Variants in PPM1L observed in about 807,000 individuals in gnomAD.
PPM1L encodes protein phosphatase, Mg2+/Mn2+ dependent 1L.
PPM1L carries 13 observed loss-of-function variants against 31.4 expected under a neutral mutation model. The observed-to-expected ratio is 0.41, with a 90% CI of 0.27 to 0.66. The LOEUF (loss-of-function observed/expected upper bound fraction) is 0.66. Ranked by LOEUF, PPM1L falls within the 30% of genes least tolerant of loss-of-function variation. The probability of loss-of-function intolerance (pLI) is 0.29; values close to 1 mark genes in which losing one functional copy is unlikely to be tolerated. For synonymous variants in PPM1L, 184 were observed against 175.4 expected, an observed-to-expected ratio of 1.05 and a Z score of -0.39; for missense variants, 326 against 453.7, an observed-to-expected ratio of 0.72 and a Z score of 2.56.
intron 1 of PPM1L, among the ~76,000 whole-genome samples, chr3:160,786,780 A>G (rs572328385): frequency 2.0e-4 from 30 of 152,042 alleles, no homozygotes; most frequent in South Asian, 8.3e-4. Flanking sequence ...CCTGGTGTCT[A>G]TCGTTATCTT....
intron 1 of PPM1L, among the ~76,000 whole-genome samples, chr3:160,914,084 T>A (rs1377220995): frequency 1.3e-5 from 2 of 152,220 alleles, no homozygotes; most frequent in Non-Finnish European, 2.9e-5. Flanking sequence ...TTCCACATCT[T>A]TGCCAACACT....
intron 1 of PPM1L, among the ~76,000 whole-genome samples, chr3:160,783,124 C>T (rs1326701620): frequency 6.6e-6 from 1 of 152,156 alleles, no homozygotes; most frequent in African/African-American, 2.4e-5. Flanking sequence ...AAAAAGGCTT[C>T]CTCCTTTAGA....
intron 2 of PPM1L, among the ~76,000 whole-genome samples, chr3:160,966,387 A>G (rs1445366849): frequency 6.6e-6 from 1 of 152,120 alleles, no homozygotes; most frequent in African/African-American, 2.4e-5. Context: ...CCTCACTCTA[A>G]GCATTTTAAA....
At chr3:160,975,172 T>C (rs373613565) in intron 2 of PPM1L, among the ~76,000 whole-genome samples, 21 of 152,106 alleles carry the variant, frequency 1.4e-4, no homozygotes, top group Non-Finnish European at 8.8e-5. Flanking sequence ...TGTCAAAGAT[T>C]AGATAGTTGT....
At chr3:160,952,055 C>A (rs774968788) in intron 1 of PPM1L, among the ~76,000 whole-genome samples, 1 of 152,216 alleles carries the variant, frequency 6.6e-6, no homozygotes, top group Non-Finnish European at 1.5e-5. Context: ...GAGTGCAAGA[C>A]GGTCATCTCA....
At chr3:160,773,958 A>G (rs1711505357) in intron 1 of PPM1L, among the ~76,000 whole-genome samples, 1 of 152,102 alleles carries the variant, frequency 6.6e-6, no homozygotes, top group African/African-American at 2.4e-5. Flanking sequence ...GGCTGTGCTC[A>G]GTGTGCTGGT....
chr3:160,915,485 C>G (rs1234568754), intron 1 of PPM1L, among the ~76,000 whole-genome samples: 1 of 116,196 alleles, frequency 8.6e-6, no homozygotes, highest in Non-Finnish European at 1.8e-5. Flanking sequence ...CCATACTACC[C>G]AAGGTAATTT....
intron 1 of PPM1L, among the ~76,000 whole-genome samples, chr3:160,876,831 G>A (rs938925401): frequency 2.0e-5 from 3 of 152,194 alleles, no homozygotes; most frequent in Admixed American, 6.5e-5. Context: ...ATGAAAAAAG[G>A]CTTCATGTTG....
chr3:160,847,915 C>T (rs1714131272), intron 1 of PPM1L, among the ~76,000 whole-genome samples: 1 of 152,244 alleles, frequency 6.6e-6, no homozygotes, highest in African/African-American at 2.4e-5. Flanking sequence ...GTACAAGTTG[C>T]TATGTTCCCT....
intron 2 of PPM1L, among the ~76,000 whole-genome samples, chr3:161,014,401 T>C (rs1335619080): frequency 6.6e-6 from 1 of 152,194 alleles, no homozygotes; most frequent in Non-Finnish European, 1.5e-5. Flanking sequence ...TTTATATCTC[T>C]ATTCTCTAAT....
At chr3:160,996,908 A>C (rs1717343138) in intron 2 of PPM1L, among the ~76,000 whole-genome samples, 1 of 152,200 alleles carries the variant, frequency 6.6e-6, no homozygotes, top group South Asian at 2.1e-4. Flanking sequence ...GGATTTAACC[A>C]GAGTTGTGGT....
In PPM1L at chr3:160,996,940, A is replaced by C. The variant is rs1043100595; in HGVS notation, c.574+35030A>C. 2.6e-5 allele frequency among the ~76,000 whole-genome samples: 4 copies of C among 152,176 alleles called. No homozygotes were observed. In the South Asian group the frequency reaches 6.2e-4, roughly 24 times the overall value. On this transcript the variant is annotated intron_variant, in intron 2 of 3. Coordinates refer to ENST00000498165, the MANE Select transcript of PPM1L (RefSeq NM_139245.4). ...TGGTTGTTCTAGGCAAGGCAATAGC[A>C]GGAAGAGCAAAGGAGGATTTCAGTG...
intron 1 of PPM1L, among the ~76,000 whole-genome samples, chr3:160,775,268 T>C (rs895735729): frequency 2.1e-4 from 32 of 152,238 alleles, no homozygotes; most frequent in African/African-American, 7.2e-4. Context: ...TCCAGTCCCA[T>C]GCTCTCCTTT....
At chr3:160,807,917 AT>A (rs112928435) in intron 1 of PPM1L, among the ~76,000 whole-genome samples, 4 of 152,018 alleles carry the variant, frequency 2.6e-5, no homozygotes, top group East Asian at 1.9e-4. Context: ...TGTCTAAAGA[AT>A]TTTTTTTGTT....
rs62272826 is a variant in PPM1L at position 160,817,331 on chromosome 3, G to A, written c.399+60624G>A. 7.4e-3 allele frequency among the ~76,000 whole-genome samples: 1,132 copies of A among 152,154 alleles called. 3 individuals are homozygous for A. Among genetic ancestry groups the A allele is most frequent in the Non-Finnish European group, 0.012 (827 of 67,944 alleles). ...CTTTAGCATGATTGATGTCAGAGGCGGAAGGACAAAATGGACTGGAAGAGA... is the reference window on the plus strand; with the variant it reads ...CTTTAGCATGATTGATGTCAGAGGCAGAAGGACAAAATGGACTGGAAGAGA... On this transcript the variant is annotated intron_variant, in intron 1 of 3. Transcript: ENST00000498165.
At chr3:160,926,364 A>C (rs985776787) in intron 1 of PPM1L, among the ~76,000 whole-genome samples, 2 of 152,198 alleles carry the variant, frequency 1.3e-5, no homozygotes, top group African/African-American at 2.4e-5. Context: ...TTTGAAAATG[A>C]ATGCAGTGAG....
intron 1 of PPM1L, among the ~76,000 whole-genome samples, chr3:160,866,527 G>T (rs1712093315): frequency 6.6e-6 from 1 of 152,126 alleles, no homozygotes; most frequent in South Asian, 2.1e-4. Context: ...ATGTGCTCAT[G>T]ATGAGAATAA....
intron 1 of PPM1L, among the ~76,000 whole-genome samples, chr3:160,822,984 A>G (rs1321203847): frequency 6.6e-6 from 1 of 152,148 alleles, no homozygotes; most frequent in East Asian, 1.9e-4. Context: ...AGAAAAAAGC[A>G]ATATGAAAAG....
Position 160,814,267 on chromosome 3 carries a change from G to A in PPM1L, c.399+57560G>A, listed in dbSNP as rs368433782. ...GGATCTGAACAGTAGATACTGCCCC[G>A]GATCAGGTTAAATCTGGAGCATAGG... On this transcript the variant is annotated intron_variant, in intron 1 of 3. Transcript: ENST00000498165. Among the ~76,000 whole-genome samples the A allele has an allele frequency of 1.4e-4, 21 of 152,142 alleles. 1 individual carries two copies. Among genetic ancestry groups the A allele is most frequent in the East Asian group, 5.8e-4 (3 of 5,188 alleles).
Sources: allele counts gnomAD v4.1 joint callset (sites outside exome capture counted in the v4.1 genomes callset), GRCh38; gene constraint gnomAD v4.1.1; transcripts MANE v1.5; gene names NCBI Gene and HGNC (gene_info 2026-07-23, HGNC 2026-07-21).